The following SLIT1 variants were observed in gnomAD, a reference collection of about 807,000 sequenced individuals.
SLIT1 encodes slit guidance ligand 1, also known as slit homolog 1 protein.
Under a neutral mutation model 186.1 loss-of-function variants are expected in SLIT1, and 66 were observed. The ratio of observed to expected loss-of-function variants is 0.35; its 90% CI spans 0.29 to 0.44. The LOEUF (loss-of-function observed/expected upper bound fraction) is 0.44. Ranked by LOEUF, SLIT1 falls within the 20% of genes least tolerant of loss-of-function variation. The pLI, the probability that SLIT1 is intolerant of heterozygous loss-of-function variation, is 1.00. For synonymous variants in SLIT1, 761 were observed against 833.8 expected (o/e 0.91, Z 1.50); for missense variants, 1,638 against 2,037.4 (o/e 0.80, Z 3.77).
At chr10:97,073,175 T>C (rs1186421411) in intron 4 of SLIT1, among the ~76,000 whole-genome samples, 1 of 152,144 alleles carries the variant, frequency 6.6e-6, no homozygotes, top group African/African-American at 2.4e-5. Flanking sequence ...CCAAATCCCT[T>C]TGAAATAAAG....
At chr10:97,081,068 C>T (rs1467043635) in intron 4 of SLIT1, among the ~76,000 whole-genome samples, 1 of 152,220 alleles carries the variant, frequency 6.6e-6, no homozygotes, top group Non-Finnish European at 1.5e-5. Context: ...ACACGCATCA[C>T]TTTTCTCAGG....
intron 13 of SLIT1, among the ~76,000 whole-genome samples, chr10:97,054,392 G>A (rs900799708): frequency 6.6e-5 from 10 of 151,852 alleles, no homozygotes; most frequent in Non-Finnish European, 7.4e-5. Context: ...TACACCCCAT[G>A]GAACTGTCAG....
At chr10:97,065,785 C>T (rs1848939147) in intron 5 of SLIT1, 2 of 495,602 alleles carry the variant, frequency 4.0e-6, no homozygotes, top group African/African-American at 3.9e-5. Flanking sequence ...TCCCCAAGGG[C>T]CCCCTCCGTT....
intron 1 of SLIT1, among the ~76,000 whole-genome samples, chr10:97,170,643 G>T (rs978456463): frequency 8.3e-4 from 127 of 152,280 alleles, no homozygotes; most frequent in African/African-American, 3.0e-3. Context: ...TCTCCCCAAG[G>T]AGGAAAAATG....
At chr10:97,152,633 C>T (rs12251823) in intron 4 of SLIT1, among the ~76,000 whole-genome samples, 2,152 of 152,306 alleles carry the variant, frequency 0.014, 49 homozygotes, top group African/African-American at 0.047. Context: ...TTTGCTTCAC[C>T]TCAGACTACA....
chr10:97,163,456 G>C lies in SLIT1; in HGVS notation c.270-5C>G. On this transcript the variant is annotated splice_region_variant and splice_polypyrimidine_tract_variant and intron_variant, in intron 2 of 36. Transcript: ENST00000266058. ...ATCTGGTTCTCCATCAGCTGCCTGGGGAAGCAAAGAGACAAGGACAGCTAC... is the reference window on the plus strand; with the variant it reads ...ATCTGGTTCTCCATCAGCTGCCTGGCGAAGCAAAGAGACAAGGACAGCTAC... 2 of 1,613,934 alleles carry C rather than the reference G, an allele frequency of 1.2e-6. No homozygotes were observed. Among genetic ancestry groups the C allele is most frequent in the Non-Finnish European group, 8.5e-7 (1 of 1,179,782 alleles).
intron 4 of SLIT1, among the ~76,000 whole-genome samples, chr10:97,107,533 T>G (rs1464918908): frequency 6.6e-6 from 1 of 152,206 alleles, no homozygotes; most frequent in Admixed American, 6.5e-5. Flanking sequence ...ATGGACCAAT[T>G]CCTGTTCTCA....
chr10:97,137,023 T>C (rs1465577564), intron 4 of SLIT1, among the ~76,000 whole-genome samples: 1 of 152,182 alleles, frequency 6.6e-6, no homozygotes, highest in Non-Finnish European at 1.5e-5. Context: ...CCCTCCAACC[T>C]GGACTTCACA....
intron 13 of SLIT1, among the ~76,000 whole-genome samples, chr10:97,051,597 G>A (rs13377060): frequency 0.066 from 10,049 of 152,222 alleles, 416 homozygotes; most frequent in African/African-American, 0.1. Flanking sequence ...GGATCACGAG[G>A]TCAGGAGTTC....
intron 28 of SLIT1, among the ~76,000 whole-genome samples, chr10:97,017,706 C>T (rs964496695): frequency 1.3e-5 from 2 of 152,204 alleles, no homozygotes; most frequent in Admixed American, 1.3e-4. Flanking sequence ...CCTCACCCAC[C>T]CAGTGGCAGC....
At chr10:97,139,319 G>A (rs985504400) in intron 4 of SLIT1, among the ~76,000 whole-genome samples, 2 of 152,226 alleles carry the variant, frequency 1.3e-5, no homozygotes, top group African/African-American at 4.8e-5. Context: ...CCCAGGGCCA[G>A]TAGCCTTGGA....
At position 97,162,846 on chromosome 10, in the gene SLIT1, G is replaced by A. The variant is rs1476802908; in HGVS notation, c.341+534C>T. 2.0e-5 allele frequency among the ~76,000 whole-genome samples: 3 copies of A among 146,626 alleles called. No homozygotes were observed. The East Asian group carries it at 6.0e-4, about 29-fold the overall frequency. On this transcript the variant is annotated intron_variant, in intron 3 of 36. Coordinates refer to ENST00000266058, the MANE Select transcript of SLIT1 (RefSeq NM_003061.3). ...CTATGTTTCTTTTTTTTTCATCGTT[G>A]CCAAACTGAAATGTAAAAATTGATC...
At chr10:97,164,969 T>A in intron 1 of SLIT1, 79 bp from the exon 2 acceptor site, 1 of 1,074,030 alleles carries the variant, frequency 9.3e-7, no homozygotes, top group Non-Finnish European at 1.4e-6. Context: ...CCAGGTGCCC[T>A]CCCCGCCTGG....
intron 9 of SLIT1, 88 bp from the exon 10 acceptor site, chr10:97,060,246 T>C (rs1848879921): frequency 2.7e-6 from 3 of 1,102,420 alleles, no homozygotes; most frequent in Non-Finnish European, 4.2e-6. Context: ...CCCTGAATAA[T>C]CCTTTGGCCC....
intron 18 of SLIT1, among the ~76,000 whole-genome samples, chr10:97,045,788 C>T (rs923094433): frequency 3.9e-5 from 6 of 152,226 alleles, no homozygotes; most frequent in African/African-American, 1.4e-4. Flanking sequence ...ACAGGGAGTC[C>T]TGTCACACAT....
rs373300955 is a variant in SLIT1 at position 97,143,146 on chromosome 10, A to G, written c.413+14672T>C. On this transcript the variant is annotated intron_variant, in intron 4 of 36. Coordinates refer to ENST00000266058, the MANE Select transcript of SLIT1 (RefSeq NM_003061.3). ...CCACTCTGGGTGTATATCCAAAAGA[A>G]TTGAAAGCAGGGTCTCAAAGAGGTA... is the stretch of plus-strand genomic sequence containing the variant. 3.4e-3 allele frequency among the ~76,000 whole-genome samples: 516 copies of G among 152,352 alleles called. 5 individuals carry two copies. Among genetic ancestry groups the G allele is most frequent in the African/African-American group, 0.012 (500 of 41,592 alleles).
chr10:97,004,966 A>T lies in SLIT1; in HGVS notation c.3580-143T>A, dbSNP rs1298552333. The T allele has an allele frequency of 7.4e-6, 7 of 949,130 alleles. No homozygotes were observed. The highest frequency in any genetic ancestry group is 1.6e-5 in the African/African-American group (1 of 61,638). 58.8% of individuals were successfully genotyped at this position (949,130 alleles called of 1,614,324 possible). A position where few individuals can be genotyped will look rare whatever the true frequency, so the allele number is the denominator to read the frequency against. On this transcript the variant is annotated intron_variant, in intron 32 of 36. Transcript: ENST00000266058. This position sits in a 1 kb window ranked among gnomAD's most constrained non-coding sequence, Gnocchi z 5.1. ...TTCCCCCACCTGGCCAGCCTCCCCA[A>T]GGCCATTCCTCCAGGGGGCACCAAT...
At chr10:97,103,224 G>C (rs1849377782) in intron 4 of SLIT1, 1 of 152,360 alleles carries the variant, frequency 6.6e-6, no homozygotes, top group Non-Finnish European at 1.5e-5. Context: ...AATGAGATGG[G>C]GAGTCGGGTG....
chr10:97,132,022 G>A (rs543735537), intron 4 of SLIT1, among the ~76,000 whole-genome samples: 2 of 152,186 alleles, frequency 1.3e-5, no homozygotes, highest in Non-Finnish European at 2.9e-5. Context: ...TCAGCTAACT[G>A]TCCATCCCCC....
Sources: gnomAD v4.1 joint callset for allele counts (sites outside exome capture counted in the v4.1 genomes callset) on GRCh38, gnomAD v4.1.1 for gene constraint, Gnocchi (gnomAD v3.1) non-coding constraint, MANE v1.5 for transcripts, NCBI Gene and HGNC (gene_info 2026-07-23, HGNC 2026-07-21) for gene names.